Variants in NCAPG2 observed in about 807,000 individuals in gnomAD.
NCAPG2 encodes non-SMC condensin II complex subunit G2, also known as condensin-2 complex subunit G2.
A neutral mutation model predicts 141.1 loss-of-function variants in NCAPG2; 53 were observed. That is an observed-to-expected ratio of 0.38 (90% CI 0.30 to 0.47). The LOEUF (loss-of-function observed/expected upper bound fraction) is 0.47, where lower values mean the gene tolerates loss of function less well. Among genes scored for constraint, NCAPG2 ranks in the 20% least tolerant of loss-of-function variants. NCAPG2 has a pLI of 0.99. For missense variants in NCAPG2, 1,087 were observed against 1,389.0 expected (o/e 0.78, Z 3.46); for synonymous variants, 499 against 490.7 (o/e 1.02, Z -0.22).
At chr7:158,659,660 G>A (rs1007274192) in intron 16 of NCAPG2, among the ~76,000 whole-genome samples, 2 of 152,158 alleles carry the variant, frequency 1.3e-5, no homozygotes, top group African/African-American at 4.8e-5. Context: ...TTGGCTGGGA[G>A]AATGAGGACA....
At chr7:158,659,591 A>G (rs1563524229) in intron 16 of NCAPG2, among the ~76,000 whole-genome samples, 1 of 152,168 alleles carries the variant, frequency 6.6e-6, no homozygotes, top group Non-Finnish European at 1.5e-5. Context: ...TATTACTAAA[A>G]CAATAAGTAA....
At chr7:158,703,071 G>A (rs184992540) in intron 1 of NCAPG2, among the ~76,000 whole-genome samples, 87 of 152,342 alleles carry the variant, frequency 5.7e-4, no homozygotes, top group African/African-American at 1.9e-3. Context: ...TCTAGGAGCA[G>A]TAGGCTACAC....
At chr7:158,670,431 T>C (rs1833613323) in intron 13 of NCAPG2, among the ~76,000 whole-genome samples, 1 of 152,002 alleles carries the variant, frequency 6.6e-6, no homozygotes, top group Admixed American at 6.6e-5. Flanking sequence ...CCAGACATGG[T>C]GGCACACTCC....
chr7:158,664,488 GA>G, intron 14 of NCAPG2, 39 bp downstream of exon 14: 1 of 1,591,276 alleles, frequency 6.3e-7, no homozygotes, highest in Non-Finnish European at 8.6e-7. Flanking sequence ...GCTTTTGGGG[GA>G]AAACATAACA....
chr7:158,661,011 A>G (rs1426031355), intron 16 of NCAPG2, among the ~76,000 whole-genome samples: 1 of 152,126 alleles, frequency 6.6e-6, no homozygotes, highest in East Asian at 1.9e-4. Flanking sequence ...AGCCATATGG[A>G]ACTGTGAGTC....
Position 158,652,338 on chromosome 7 carries a change from T to A in NCAPG2, c.2889A>T (p.Glu963Asp), listed in dbSNP as rs966922672. 6.2e-7 allele frequency: 1 copy of A among 1,613,854 alleles called. No homozygotes were observed. Among genetic ancestry groups the A allele is most frequent in the African/African-American group, 1.3e-5 (1 of 74,930 alleles). The change falls in exon 23 of 28, where the codon GAA becomes GAT. Residue 963 changes from glutamate (E) to aspartate (D), a missense_variant. Glu to Asp is a conservative substitution (Grantham distance 45). Transcript: ENST00000356309. ...GCTTCCTGAAGCTCCGTGCAATACA[T>A]TCCAACATTTTCTGAAATACTTTCT... is the stretch of plus-strand genomic sequence containing the variant. ...TVQKVFQKML[E>D]CIARSFRKQP...
At chr7:158,673,734 A>C (rs1245703934) in intron 12 of NCAPG2, among the ~76,000 whole-genome samples, 1 of 152,176 alleles carries the variant, frequency 6.6e-6, no homozygotes, top group African/African-American at 2.4e-5. Flanking sequence ...AAGGCTGGAA[A>C]CCGGATAGCC....
intron 11 of NCAPG2, among the ~76,000 whole-genome samples, chr7:158,678,094 G>C (rs1350213801): frequency 9.5e-6 from 1 of 105,232 alleles, no homozygotes; most frequent in African/African-American, 3.8e-5. Context: ...ACTGCACCTA[G>C]ACCCTTTTTT....
chr7:158,655,505 C>G, intron 19 of NCAPG2, 50 bp from the exon 20 acceptor site: 1 of 1,448,220 alleles, frequency 6.9e-7, no homozygotes, highest in African/African-American at 1.4e-5. Context: ...AAGGCACCAC[C>G]ACACCCCGTA....
intron 11 of NCAPG2, among the ~76,000 whole-genome samples, chr7:158,677,737 G>A (rs1481288015): frequency 6.6e-6 from 1 of 152,130 alleles, no homozygotes; most frequent in Admixed American, 6.5e-5. Flanking sequence ...ACCATCACCA[G>A]AGAAGCACTC....
intron 27 of NCAPG2, among the ~76,000 whole-genome samples, chr7:158,643,122 C>T (rs1389906759): frequency 6.6e-6 from 1 of 152,164 alleles, no homozygotes; most frequent in East Asian, 1.9e-4. Flanking sequence ...GCCACCATGC[C>T]CAGCTAATTT....
intron 12 of NCAPG2, among the ~76,000 whole-genome samples, chr7:158,672,321 TA>T (rs1833777171): frequency 1.5e-5 from 1 of 67,642 alleles, no homozygotes; most frequent in Non-Finnish European, 3.0e-5. Flanking sequence ...TATATATATA[TA>T]TATATATTTT....
intron 25 of NCAPG2, 150 bp from the exon 26 acceptor site, chr7:158,645,769 GGA>G (rs1830967101): frequency 3.0e-6 from 2 of 667,946 alleles, no homozygotes; most frequent in Middle Eastern, 3.9e-4. Context: ...TGCTTTTCAT[GGA>G]GAGTGTGCCA....
chr7:158,648,452 C>T (rs1831194253), intron 24 of NCAPG2, among the ~76,000 whole-genome samples: 1 of 151,650 alleles, frequency 6.6e-6, no homozygotes, highest in Non-Finnish European at 1.5e-5. Context: ...ACAACATTAA[C>T]TTAAACCCAA....
chr7:158,670,418 C>T lies in NCAPG2; in HGVS notation c.1479+1096G>A, dbSNP rs546519215. The stretch of plus-strand genomic sequence containing the variant: ...TCATCCCTACAAAAACTACAAAAAT[C>T]AGCCAGACATGGTGGCACACTCCTG... On this transcript the variant is annotated intron_variant, in intron 13 of 27. Transcript: ENST00000356309. Among the ~76,000 whole-genome samples, 18 of 152,128 alleles carry T rather than the reference C, an allele frequency of 1.2e-4. 1 individual carries two copies. In the Middle Eastern group the frequency reaches 0.01, roughly 86 times the overall value.
chr7:158,692,477 G>C (rs1383220397), intron 4 of NCAPG2, among the ~76,000 whole-genome samples: 3 of 152,130 alleles, frequency 2.0e-5, no homozygotes, highest in African/African-American at 7.2e-5. Flanking sequence ...CTTTTACAAA[G>C]TATCATTTCA....
chr7:158,694,379 T>A (rs930910819), intron 2 of NCAPG2, among the ~76,000 whole-genome samples: 1 of 152,194 alleles, frequency 6.6e-6, no homozygotes, highest in African/African-American at 2.4e-5. Context: ...GCAGGAATTA[T>A]CGGGAGATGC....
chr7:158,681,681 C>G (rs10237585), intron 9 of NCAPG2, among the ~76,000 whole-genome samples: 1 of 152,152 alleles, frequency 6.6e-6, no homozygotes, highest in Non-Finnish European at 1.5e-5. Flanking sequence ...TTTTTGTGTA[C>G]AATACTATCA....
At chr7:158,664,385 CA>C in intron 14 of NCAPG2, 89 bp from the exon 15 acceptor site, 1 of 1,511,048 alleles carries the variant, frequency 6.6e-7, no homozygotes, top group Non-Finnish European at 9.1e-7. Context: ...CCCAATTAGT[CA>C]AAAGTACTAT....
Sources: gnomAD v4.1 joint callset for allele counts (sites outside exome capture counted in the v4.1 genomes callset) on GRCh38, gnomAD v4.1.1 for gene constraint, MANE v1.5 for transcripts, NCBI Gene and HGNC (gene_info 2026-07-23, HGNC 2026-07-21) for gene names.